Variants in RARB observed in about 807,000 individuals in gnomAD.
The protein encoded by RARB is retinoic acid receptor beta.
In RARB, 17 loss-of-function variants were observed where a neutral mutation model predicts 51.9. That is an observed-to-expected ratio of 0.33 (90% CI 0.22 to 0.49). The LOEUF is 0.49. Ranked by LOEUF, RARB falls within the 20% of genes least tolerant of loss-of-function variation. The pLI, the probability that RARB is intolerant of heterozygous loss-of-function variation, is 0.99. For missense variants in RARB, 369 were observed against 550.8 expected, an observed-to-expected ratio of 0.67 and a Z score of 3.30; for synonymous variants, 215 against 195.4, an observed-to-expected ratio of 1.10 and a Z score of -0.84.
intron 5 of RARB, among the ~76,000 whole-genome samples, chr3:25,201,516 A>G (rs1701388880): frequency 6.6e-6 from 1 of 152,288 alleles, no homozygotes; most frequent in Middle Eastern, 3.4e-3. Context: ...GCCAGTTTTC[A>G]AAGGGAATGC....
intron 4 of RARB, among the ~76,000 whole-genome samples, chr3:25,170,023 A>T (rs1294997742): frequency 1.3e-5 from 2 of 151,674 alleles, no homozygotes; most frequent in African/African-American, 4.8e-5. Flanking sequence ...GAAAAAAAAA[A>T]AGAAATTGAA....
intron 5 of RARB, among the ~76,000 whole-genome samples, chr3:25,308,513 G>A (rs322696): frequency 0.12 from 18,532 of 149,136 alleles, 1,534 homozygotes; most frequent in South Asian, 0.25. Flanking sequence ...CAGTGGCGTG[G>A]TCTTGGCTTA....
chr3:25,101,895 A>G (rs549015040), intron 3 of RARB, among the ~76,000 whole-genome samples: 1 of 152,106 alleles, frequency 6.6e-6, no homozygotes, highest in South Asian at 2.1e-4. Flanking sequence ...TTAAGCAAAA[A>G]CTTGTGTCTC....
chr3:25,070,430 AAC>A (rs1321681287), intron 3 of RARB, among the ~76,000 whole-genome samples: 1 of 152,184 alleles, frequency 6.6e-6, no homozygotes, highest in Non-Finnish European at 1.5e-5. Context: ...AACAAACTTA[AAC>A]ACAATTTTCT....
At chr3:24,870,418 T>G (rs1702924884) in intron 2 of RARB, among the ~76,000 whole-genome samples, 3 of 152,118 alleles carry the variant, frequency 2.0e-5, no homozygotes, top group African/African-American at 7.2e-5. Context: ...ACTAATAGTG[T>G]TTCTGTCATA....
chr3:24,858,000 A>G (rs1702666993), intron 1 of RARB, among the ~76,000 whole-genome samples: 1 of 152,234 alleles, frequency 6.6e-6, no homozygotes, highest in African/African-American at 2.4e-5. Flanking sequence ...CTCTGAGGCA[A>G]GTTATTTAGC....
At chr3:24,889,396 A>T (rs1435350683) in intron 2 of RARB, among the ~76,000 whole-genome samples, 1 of 152,110 alleles carries the variant, frequency 6.6e-6, no homozygotes, top group Non-Finnish European at 1.5e-5. Flanking sequence ...TGTGTTTGCA[A>T]CCTCCAGTTA....
intron 3 of RARB, among the ~76,000 whole-genome samples, chr3:25,114,940 A>G (rs1699661847): frequency 6.6e-6 from 1 of 152,228 alleles, no homozygotes; most frequent in Non-Finnish European, 1.5e-5. Context: ...GACTCTGAGT[A>G]TAAAGAAGTT....
At chr3:25,152,960 T>C (rs923391113) in intron 4 of RARB, among the ~76,000 whole-genome samples, 1 of 152,162 alleles carries the variant, frequency 6.6e-6, no homozygotes, top group African/African-American at 2.4e-5. Flanking sequence ...CTACACATTA[T>C]TTCAAGTAGA....
At chr3:25,206,761 A>T (rs143621387) in intron 5 of RARB, among the ~76,000 whole-genome samples, 2 of 152,280 alleles carry the variant, frequency 1.3e-5, no homozygotes, top group African/African-American at 4.8e-5. Flanking sequence ...CGTACTATGG[A>T]TGCTTATTCA....
At chr3:25,011,436 T>C (rs1394239278) in intron 2 of RARB, among the ~76,000 whole-genome samples, 1 of 152,132 alleles carries the variant, frequency 6.6e-6, no homozygotes, top group Non-Finnish European at 1.5e-5. Context: ...ACTTTGTTAA[T>C]GGTAAAGCCA....
intron 2 of RARB, among the ~76,000 whole-genome samples, chr3:24,908,947 T>C (rs1694931414): frequency 1.3e-5 from 2 of 152,206 alleles, no homozygotes; most frequent in African/African-American, 2.4e-5. Flanking sequence ...CGGAATCCTA[T>C]TTTTTCCATG....
chr3:24,899,889 A>C (rs1312829362), intron 2 of RARB, among the ~76,000 whole-genome samples: 1 of 150,726 alleles, frequency 6.6e-6, no homozygotes, highest in African/African-American at 2.4e-5. Flanking sequence ...ATTTAGGAGG[A>C]AGGAAGGGCA....
chr3:25,485,448 G>A (rs959700551), intron 2 of RARB, among the ~76,000 whole-genome samples: 12 of 152,136 alleles, frequency 7.9e-5, no homozygotes, highest in African/African-American at 2.9e-4. Flanking sequence ...ATGGCTTCAG[G>A]TCTAGCCCCA....
At chr3:24,876,687 C>T (rs576668934) in intron 2 of RARB, among the ~76,000 whole-genome samples, 83 of 152,200 alleles carry the variant, frequency 5.5e-4, no homozygotes, top group African/African-American at 1.9e-3. Flanking sequence ...ATAAATGTGT[C>T]TTCAAGGACC....
intron 2 of RARB, among the ~76,000 whole-genome samples, chr3:25,014,993 ACAGT>A (rs1301210036): frequency 2.6e-5 from 4 of 152,182 alleles, no homozygotes; most frequent in Non-Finnish European, 5.9e-5. Context: ...TAACTGTGAC[ACAGT>A]CAGGAAAACA....
intron 2 of RARB, 125 bp downstream of exon 2, chr3:25,461,466 G>C: frequency 1.8e-6 from 2 of 1,113,004 alleles, no homozygotes; most frequent in Non-Finnish European, 2.5e-6. Flanking sequence ...GGTGAATTCA[G>C]TTATATTCAG....
At chr3:24,864,748 A>C (rs1230935343) in intron 2 of RARB, among the ~76,000 whole-genome samples, 1 of 152,144 alleles carries the variant, frequency 6.6e-6, no homozygotes, top group South Asian at 2.1e-4. Context: ...AAAAAAGATC[A>C]TGTTGCCTGC....
At chr3:25,456,676 TATATATAGAGAGAG>T (rs1182226706) in intron 1 of RARB, among the ~76,000 whole-genome samples, 36 of 113,780 alleles carry the variant, frequency 3.2e-4, no homozygotes, top group African/African-American at 9.6e-4. Context: ...TATATATATA[TATATATAGAGAGAG>T]AGAGAGAGAG....
Sources: allele counts gnomAD v4.1 joint callset (sites outside exome capture counted in the v4.1 genomes callset), GRCh38; gene constraint gnomAD v4.1.1; transcripts MANE v1.5; gene names NCBI Gene and HGNC (gene_info 2026-07-23, HGNC 2026-07-21).